The following GPC6 variants were observed in gnomAD, a reference collection of about 807,000 sequenced individuals.
GPC6 encodes the protein glypican-6.
In GPC6, 14 loss-of-function variants were observed where a neutral mutation model predicts 55.2. That is an observed-to-expected ratio of 0.25 (90% confidence interval 0.17 to 0.40). The LOEUF is 0.40. Ranked by LOEUF, GPC6 falls within the 10% of genes least tolerant of loss-of-function variation. The pLI is 1.00. For missense variants in GPC6, 641 were observed against 708.5 expected (o/e 0.90, Z 1.08); for synonymous variants, 278 against 259.6 (o/e 1.07, Z -0.68).
intron 3 of GPC6, among the ~76,000 whole-genome samples, chr13:93,995,183 ATTTT>A (rs1297491094): frequency 6.7e-6 from 1 of 150,188 alleles, no homozygotes; most frequent in African/African-American, 2.5e-5. Context: ...ATTTTATTTT[ATTTT>A]ATTTTATTTT....
At chr13:93,918,020 C>A (rs7991086) in intron 3 of GPC6, among the ~76,000 whole-genome samples, 12,205 of 151,912 alleles carry the variant, frequency 0.08, 1,671 homozygotes, top group African/African-American at 0.28. Flanking sequence ...TCACTTGAAC[C>A]CGGGAGGCAG....
chr13:93,994,388 G>T (rs1414591430), intron 3 of GPC6, among the ~76,000 whole-genome samples: 1 of 152,046 alleles, frequency 6.6e-6, no homozygotes, highest in Non-Finnish European at 1.5e-5. Context: ...TTTCTGAATA[G>T]ATTTAGTTCT....
chr13:93,469,598 T>A (rs1443161592), intron 1 of GPC6, among the ~76,000 whole-genome samples: 1 of 152,090 alleles, frequency 6.6e-6, no homozygotes, highest in Non-Finnish European at 1.5e-5. Flanking sequence ...ATGAAAGAAA[T>A]TATGTTTGGA....
At chr13:93,716,823 T>C (rs1883267768) in intron 2 of GPC6, among the ~76,000 whole-genome samples, 1 of 151,646 alleles carries the variant, frequency 6.6e-6, no homozygotes, top group East Asian at 1.9e-4. Context: ...CAACTTCCAG[T>C]CCTTCATACT....
intron 1 of GPC6, among the ~76,000 whole-genome samples, chr13:93,326,143 G>A (rs995124027): frequency 7.2e-5 from 11 of 152,140 alleles, no homozygotes; most frequent in Admixed American, 2.6e-4. Flanking sequence ...GTATAGTTGA[G>A]GGGTGGCTTT....
chr13:93,660,680 T>C (rs77229529), intron 2 of GPC6, among the ~76,000 whole-genome samples: 128 of 152,318 alleles, frequency 8.4e-4, no homozygotes, highest in Non-Finnish European at 1.5e-3. Flanking sequence ...TTCTTTAGAG[T>C]TGTCTCTAGA....
rs182241912 is a variant in GPC6, at chr13:93,848,977, C to G, written c.711+18432C>G. ...TAGAGCTGAACCAGTTTTTTACTCA[C>G]CCTCTTTTCAGAACCCCTGTACTAA... On this transcript the variant is annotated intron_variant, in intron 3 of 8. Coordinates refer to ENST00000377047, the MANE Select transcript of GPC6 (RefSeq NM_005708.5). Among the ~76,000 whole-genome samples the G allele has an allele frequency of 1.0e-3, 155 of 152,192 alleles. 3 individuals are homozygous for G. The highest frequency in any genetic ancestry group is 1.9e-3 in the Admixed American group (29 of 15,254).
chr13:94,399,668 G>A (rs1461532216), intron 8 of GPC6, among the ~76,000 whole-genome samples: 1 of 152,126 alleles, frequency 6.6e-6, no homozygotes. Flanking sequence ...AGCCTACCAA[G>A]TTATCCCCTG....
chr13:93,337,445 A>G (rs1047197093), intron 1 of GPC6, among the ~76,000 whole-genome samples: 3 of 151,814 alleles, frequency 2.0e-5, no homozygotes, highest in African/African-American at 7.3e-5. Context: ...ATATGTATCT[A>G]CTCATTTAAT....
At chr13:93,720,067 G>A (rs940152588) in intron 2 of GPC6, among the ~76,000 whole-genome samples, 1 of 152,056 alleles carries the variant, frequency 6.6e-6, no homozygotes, top group East Asian at 1.9e-4. Context: ...TCTCTGCCAG[G>A]TTTTGGTATC....
chr13:93,830,612 TAAAAA>T (rs369020255), intron 3 of GPC6, 67 bp downstream of exon 3: 155 of 326,166 alleles, frequency 4.8e-4, no homozygotes, highest in African/African-American at 1.8e-3. Context: ...AACCAATGTT[TAAAAA>T]AAAAAAAAAA....
chr13:94,069,769 C>G (rs1167712368), intron 4 of GPC6, among the ~76,000 whole-genome samples: 1 of 152,178 alleles, frequency 6.6e-6, no homozygotes, highest in African/African-American at 2.4e-5. Context: ...TAGTTCCCAA[C>G]AAGTTTCTCA....
At chr13:94,093,775 A>G (rs1885574823) in intron 4 of GPC6, among the ~76,000 whole-genome samples, 1 of 152,086 alleles carries the variant, frequency 6.6e-6, no homozygotes, top group Non-Finnish European at 1.5e-5. Flanking sequence ...AAGTTATGTG[A>G]ATTTATTGTT....
At chr13:93,303,053 A>G (rs1234202140) in intron 1 of GPC6, among the ~76,000 whole-genome samples, 3 of 152,260 alleles carry the variant, frequency 2.0e-5, no homozygotes, top group African/African-American at 7.2e-5. Context: ...CCAGTGGGAT[A>G]GACCAAAGAA....
intron 2 of GPC6, among the ~76,000 whole-genome samples, chr13:93,691,999 C>T (rs530245031): frequency 6.6e-6 from 1 of 152,118 alleles, no homozygotes; most frequent in African/African-American, 2.4e-5. Context: ...TGGTTATTTG[C>T]ATCATTGAAT....
chr13:93,852,222 C>G (rs1888430302), intron 3 of GPC6, among the ~76,000 whole-genome samples: 1 of 151,722 alleles, frequency 6.6e-6, no homozygotes, highest in Non-Finnish European at 1.5e-5. Flanking sequence ...CAAAGGAACA[C>G]ACATGGAAGT....
intron 1 of GPC6, among the ~76,000 whole-genome samples, chr13:93,388,777 A>G (rs1225027611): frequency 6.6e-6 from 1 of 152,040 alleles, no homozygotes; most frequent in Non-Finnish European, 1.5e-5. Flanking sequence ...TTTCTTTATT[A>G]TCTGTCTACC....
intron 1 of GPC6, among the ~76,000 whole-genome samples, chr13:93,517,973 ATAT>A (rs56379283): frequency 2.0e-5 from 3 of 151,544 alleles, no homozygotes; most frequent in Admixed American, 6.6e-5. Context: ...TTGCTTATTA[ATAT>A]TATTATTATT....
chr13:93,961,285 A>G (rs1283221830), intron 3 of GPC6, among the ~76,000 whole-genome samples: 1 of 152,248 alleles, frequency 6.6e-6, no homozygotes, highest in South Asian at 2.1e-4. Context: ...TGGCCAAACA[A>G]TAAAATAAAC....
Sources: allele counts gnomAD v4.1 joint callset (sites outside exome capture counted in the v4.1 genomes callset), GRCh38; gene constraint gnomAD v4.1.1; transcripts MANE v1.5; gene names NCBI Gene and HGNC (gene_info 2026-07-23, HGNC 2026-07-21).